Variants in PTPRB observed in about 807,000 individuals in gnomAD.
The protein encoded by PTPRB is receptor-type tyrosine-protein phosphatase beta.
In PTPRB, 97 loss-of-function variants were observed where a neutral mutation model predicts 238.1. The observed-to-expected ratio is 0.41, with a 90% CI of 0.35 to 0.48. The LOEUF is 0.48. Among genes scored for constraint, PTPRB ranks in the 20% least tolerant of loss-of-function variants. PTPRB has a pLI of 0.30. For synonymous variants in PTPRB, 970 were observed against 995.4 expected (o/e 0.97, Z 0.48); for missense variants, 2,292 against 2,681.9 (o/e 0.85, Z 3.21).
At chr12:70,609,722 G>A (rs1306706411) in intron 3 of PTPRB, 4 of 1,526,178 alleles carry the variant, frequency 2.6e-6, no homozygotes, top group Non-Finnish European at 3.6e-6. Context: ...TCGGCGGGGA[G>A]GGGGCGCATC....
At chr12:70,528,692 C>T (rs749577965) in intron 32 of PTPRB, among the ~76,000 whole-genome samples, 1 of 152,140 alleles carries the variant, frequency 6.6e-6, no homozygotes, top group East Asian at 1.9e-4. Context: ...TGCACATATC[C>T]ATGCATGTAA....
Position 70,576,443 on chromosome 12 carries a change from G to C in PTPRB, c.2781C>G (p.Thr927=), listed in dbSNP as rs543817374. Residue 927 remains threonine, a synonymous_variant, in exon 11 of 34, where the codon ACC becomes ACG. Transcript: ENST00000334414. ...TGCCACTCCTTGTAGTTATGGTCAC[G>C]GTGTAGAGGCGGCCTGGGGTGAGGG... The part of the protein sequence containing the change: ...FSSLTPGRLY[T]VTITTRSGKY... 1 of 1,607,454 alleles carries C rather than the reference G, an allele frequency of 6.2e-7. No homozygotes were observed. Among genetic ancestry groups the C allele is most frequent in the Admixed American group, 1.7e-5 (1 of 59,112 alleles).
At chr12:70,601,531 A>T (rs2717427) in intron 4 of PTPRB, among the ~76,000 whole-genome samples, 80,896 of 151,888 alleles carry the variant, frequency 0.53, 22,630 homozygotes, top group African/African-American at 0.72. Flanking sequence ...CCAATCTAGT[A>T]ACAAGCAGAG....
At chr12:70,558,677 A>G (rs1878055243) in intron 18 of PTPRB, 2 of 154,028 alleles carry the variant, frequency 1.3e-5, no homozygotes, top group South Asian at 4.1e-4. Flanking sequence ...GCCTCTTTCA[A>G]TCTATTCTCT....
intron 9 of PTPRB, among the ~76,000 whole-genome samples, chr12:70,583,407 G>A (rs978905947): frequency 6.6e-6 from 1 of 152,098 alleles, no homozygotes; most frequent in Non-Finnish European, 1.5e-5. Context: ...GAGGTAATTG[G>A]ATCATAAAGC....
chr12:70,559,122 C>G (rs1878110508), intron 18 of PTPRB: 1 of 607,848 alleles, frequency 1.6e-6, no homozygotes, highest in African/African-American at 1.9e-5. Flanking sequence ...AATAGTACGT[C>G]CTACCTAATT....
At chr12:70,557,066 A>C (rs1202749852) in intron 18 of PTPRB, among the ~76,000 whole-genome samples, 3 of 152,218 alleles carry the variant, frequency 2.0e-5, no homozygotes, top group Non-Finnish European at 4.4e-5. Flanking sequence ...CACAACTTTT[A>C]GCTGCTGGCT....
intron 2 of PTPRB, among the ~76,000 whole-genome samples, chr12:70,624,963 A>G (rs989682922): frequency 5.9e-5 from 9 of 152,202 alleles, no homozygotes; most frequent in Non-Finnish European, 1.2e-4. Context: ...TTTCTCTGCA[A>G]ATAACATAGG....
intron 4 of PTPRB, among the ~76,000 whole-genome samples, chr12:70,600,399 C>G (rs1000705365): frequency 5.9e-5 from 9 of 152,080 alleles, no homozygotes; most frequent in Admixed American, 3.3e-4. Flanking sequence ...CCTTAGCTGT[C>G]CTAGTGTGGG....
chr12:70,538,110 C>T (rs755144027), intron 28 of PTPRB, 45 bp downstream of exon 28: 1 of 1,512,518 alleles, frequency 6.6e-7, no homozygotes, highest in Non-Finnish European at 9.0e-7. Context: ...TGTAGCCACC[C>T]ACCAAAGCCT....
At position 70,610,881 on chromosome 12, in the gene PTPRB, A is replaced by G. The variant is rs72648194; in HGVS notation, c.709-1542T>C. Among the ~76,000 whole-genome samples, 2,582 of 151,780 alleles carry G rather than the reference A, an allele frequency of 0.017. 129 individuals carry two copies. The East Asian group carries it at 0.21, about 13-fold the overall frequency. On this transcript the variant is annotated intron_variant, in intron 3 of 33. Coordinates refer to ENST00000334414, the MANE Select transcript of PTPRB (RefSeq NM_001109754.4). Reference sequence around the variant, plus strand: ...AACTACTGTTGATAGTCAGCTCTCCACAAGTTAAAAAAAAAATGGCATTTA... The same window carrying G: ...AACTACTGTTGATAGTCAGCTCTCCGCAAGTTAAAAAAAAAATGGCATTTA...
chr12:70,595,965 G>T, intron 5 of PTPRB, 84 bp downstream of exon 5: 1 of 1,231,070 alleles, frequency 8.1e-7, no homozygotes, highest in Non-Finnish European at 1.1e-6. Context: ...CTCTGGAGTA[G>T]CAATCTTACT....
chr12:70,609,658 T>C, intron 3 of PTPRB: 1 of 1,266,094 alleles, frequency 7.9e-7, no homozygotes, highest in Non-Finnish European at 1.1e-6. Context: ...TTTTGCCACC[T>C]CCCTCTTCAA....
Position 70,555,151 on chromosome 12 carries a change from A to G in PTPRB, c.5143+9T>C. 6.2e-7 allele frequency: 1 copy of G among 1,612,928 alleles called. No homozygotes were observed. On this transcript the variant is annotated intron_variant, in intron 20 of 33. Coordinates refer to ENST00000334414, the MANE Select transcript of PTPRB (RefSeq NM_001109754.4). Reference sequence around the variant, plus strand: ...TGTCTCAGAGTGGAGTTAACTCATGATAACTTACCATCAGCCTCTCTCACC... The same window carrying G: ...TGTCTCAGAGTGGAGTTAACTCATGGTAACTTACCATCAGCCTCTCTCACC...
chr12:70,569,855 C>G lies in PTPRB; in HGVS notation c.3454G>C (p.Asp1152His), dbSNP rs1333378307. ...GCCGACACCGTGTAGGAATCAACGTCTCCCCCACCAGGAGTCCAGTTCACC... is the reference window on the plus strand; with the variant it reads ...GCCGACACCGTGTAGGAATCAACGTGTCCCCCACCAGGAGTCCAGTTCACC... ...LTVNWTPGGG[D>H]VDSYTVSAFR... The change falls in exon 14 of 34, where the codon GAC becomes CAC. Residue 1152 changes from aspartate (D) to histidine (H), a missense_variant. Asp to His is a moderately conservative substitution (Grantham distance 81, BLOSUM62 -1). Coordinates refer to ENST00000334414, the MANE Select transcript of PTPRB (RefSeq NM_001109754.4). The G allele has an allele frequency of 3.1e-6, 5 of 1,613,982 alleles. No homozygotes were observed. Among genetic ancestry groups the G allele is most frequent in the South Asian group, 1.1e-5 (1 of 91,070 alleles).
At position 70,540,960 on chromosome 12, in the gene PTPRB, A is replaced by G. The variant is rs757554938; in HGVS notation, c.5495-3T>C. The G allele has an allele frequency of 6.3e-7, 1 of 1,596,328 alleles. No homozygotes were observed. Among genetic ancestry groups the G allele is most frequent in the African/African-American group, 1.3e-5 (1 of 74,726 alleles). The stretch of plus-strand genomic sequence containing the variant: ...TTCAATAGCTCCAAACAAGGGCTCT[A>G]CAATAATCCAGATAGAAACAACAAA... On this transcript the variant is annotated splice_polypyrimidine_tract_variant and splice_region_variant and intron_variant, in intron 22 of 33. Coordinates refer to ENST00000334414, the MANE Select transcript of PTPRB (RefSeq NM_001109754.4).
chr12:70,555,096 TC>T, intron 20 of PTPRB, 63 bp downstream of exon 20: 2 of 1,529,138 alleles, frequency 1.3e-6, no homozygotes, highest in South Asian at 2.5e-5. Context: ...CAGAAAGATC[TC>T]CCACATGACC....
At position 70,635,894 on chromosome 12, in the gene PTPRB, G is replaced by A. The variant is rs368000189; in HGVS notation, c.228C>T (p.Arg76=). 4.6e-5 allele frequency: 75 copies of A among 1,613,738 alleles called. No homozygotes were observed. The African/African-American group carries it at 8.0e-4, about 17-fold the overall frequency. The change falls in exon 2 of 34, where the codon CGC becomes CGT. Residue 76 remains arginine (R), a synonymous_variant. Transcript: ENST00000334414. ...CCAAGATGGCTGAGCGGGAGGGGCC[G>A]CGGGAAGAGTTGGAGATGGCCAAGC... The part of the protein sequence containing the change: ...ALCLAISNSS[R]GPSRSAILDR...
intron 21 of PTPRB, among the ~76,000 whole-genome samples, chr12:70,545,904 A>G (rs1253854231): frequency 6.6e-6 from 1 of 152,212 alleles, no homozygotes; most frequent in East Asian, 1.9e-4. Flanking sequence ...TGGGAGGCCA[A>G]GGCAGGCAGA....
Sources: allele counts gnomAD v4.1 joint callset (sites outside exome capture counted in the v4.1 genomes callset), GRCh38; gene constraint gnomAD v4.1.1; transcripts MANE v1.5; gene names NCBI Gene and HGNC (gene_info 2026-07-23, HGNC 2026-07-21).